RASSF5: variants seen among roughly 807,000 people sequenced by gnomAD.
RASSF5 encodes the protein Ras association domain family member 5, also known as ras association domain-containing protein 5.
RASSF5 carries 25 observed loss-of-function variants against 40.5 expected under a neutral mutation model. The ratio of observed to expected loss-of-function variants is 0.62; its 90% CI spans 0.45 to 0.86. The LOEUF (loss-of-function observed/expected upper bound fraction) is 0.86, where lower values mean the gene tolerates loss of function less well. RASSF5 is among the 40% of genes least tolerant of loss of function. The pLI is 0.00. For synonymous variants in RASSF5, 246 were observed against 252.4 expected (o/e 0.97, Z 0.24); for missense variants, 521 against 572.8 (o/e 0.91, Z 0.92).
At chr1:206,514,192 C>T (rs1435058146) in intron 1 of RASSF5, among the ~76,000 whole-genome samples, 2 of 152,214 alleles carry the variant, frequency 1.3e-5, no homozygotes, top group Non-Finnish European at 2.9e-5. Context: ...GGAGGAAGGG[C>T]AGTGGGGTCC....
intron 2 of RASSF5, among the ~76,000 whole-genome samples, chr1:206,575,672 CTATCT>C (rs145172220): frequency 1.3e-5 from 2 of 152,288 alleles, no homozygotes; most frequent in Non-Finnish European, 2.9e-5. Flanking sequence ...AAACACCACC[CTATCT>C]TATGTGTAAA....
At chr1:206,557,839 G>C in intron 2 of RASSF5, 1 of 837,400 alleles carries the variant, frequency 1.2e-6, no homozygotes, top group South Asian at 1.6e-5. Flanking sequence ...GCTGAGCATC[G>C]TATCTGGAGC....
At chr1:206,583,689 T>G in intron 3 of RASSF5, 2 of 337,634 alleles carry the variant, frequency 5.9e-6, no homozygotes, top group East Asian at 7.2e-5. Flanking sequence ...CCAGTATTGC[T>G]TGGCCTCCAG....
At chr1:206,508,720 C>T (rs1015974208) in intron 1 of RASSF5, among the ~76,000 whole-genome samples, 6 of 152,060 alleles carry the variant, frequency 3.9e-5, no homozygotes, top group Admixed American at 1.3e-4. Flanking sequence ...TGGCTGTGCC[C>T]TGCCTCCTCC....
intron 2 of RASSF5, among the ~76,000 whole-genome samples, chr1:206,568,089 C>T (rs1350838886): frequency 4.5e-4 from 69 of 152,282 alleles, no homozygotes; most frequent in South Asian, 2.1e-4. Flanking sequence ...AATGCAGCCT[C>T]ATGACAGCAG....
At chr1:206,540,201 G>A (rs1367083636) in intron 2 of RASSF5, among the ~76,000 whole-genome samples, 3 of 152,214 alleles carry the variant, frequency 2.0e-5, no homozygotes, top group Non-Finnish European at 2.9e-5. Context: ...TCAGTTGGGC[G>A]AAGACTGAGA....
chr1:206,514,052 C>T (rs892012067), intron 1 of RASSF5, among the ~76,000 whole-genome samples: 3 of 152,226 alleles, frequency 2.0e-5, no homozygotes, highest in African/African-American at 7.2e-5. Context: ...GCTGAAGTGG[C>T]CCACAAGGCC....
chr1:206,533,259 G>A (rs962001470), intron 1 of RASSF5, among the ~76,000 whole-genome samples: 1 of 152,178 alleles, frequency 6.6e-6, no homozygotes, highest in African/African-American at 2.4e-5. Flanking sequence ...AGGCCTGGTA[G>A]AAGTAGGCAG....
chr1:206,508,043 G>GGCGCT lies in RASSF5; in HGVS notation c.449_453dup (p.Thr152AlafsTer16), dbSNP rs782709538. 6 of 1,411,186 alleles carry GGCGCT rather than the reference G, an allele frequency of 4.3e-6. No homozygotes were observed. In the Middle Eastern group the frequency reaches 5.9e-4, roughly 139 times the overall value. 87.4% of individuals were successfully genotyped at this position (1,411,186 alleles called of 1,614,324 possible). A position where few individuals can be genotyped will look rare whatever the true frequency, so the allele number is the denominator to read the frequency against. On this transcript the variant is annotated frameshift_variant, in exon 1 of 6. Coordinates refer to ENST00000579436, the MANE Select transcript of RASSF5 (RefSeq NM_182663.4). LOFTEE classifies it high-confidence loss of function. Reference sequence around the variant, plus strand: ...TGTGCGGACGAGAGGTGCTGCGGCAGGCGCTGCGCTGCACTAGTAAGTGTG... The same window carrying GGCGCT: ...TGTGCGGACGAGAGGTGCTGCGGCAGGCGCTGCGCTGCGCTGCACTAGTAAGTGTG...
intron 2 of RASSF5, among the ~76,000 whole-genome samples, chr1:206,573,260 C>T (rs557824337): frequency 1.3e-5 from 2 of 152,204 alleles, no homozygotes; most frequent in African/African-American, 2.4e-5. Flanking sequence ...TTTACCTTCA[C>T]ATCAATCCCG....
intron 1 of RASSF5, among the ~76,000 whole-genome samples, chr1:206,532,319 A>G (rs1667264468): frequency 6.6e-6 from 1 of 152,012 alleles, no homozygotes; most frequent in African/African-American, 2.4e-5. Context: ...GACATCAGGA[A>G]CCCCATTTAA....
chr1:206,524,886 CAT>C (rs1213496559), intron 1 of RASSF5, among the ~76,000 whole-genome samples: 3 of 151,368 alleles, frequency 2.0e-5, no homozygotes, highest in East Asian at 3.9e-4. Flanking sequence ...CACACACACA[CAT>C]GCACAGGGCA....
chr1:206,583,573 A>G (rs1198893690), intron 3 of RASSF5, 194 bp downstream of exon 3: 13 of 568,454 alleles, frequency 2.3e-5, no homozygotes, highest in South Asian at 1.0e-4. Context: ...TTAGGGAAAT[A>G]GATCTGACTC....
At chr1:206,585,608 T>A in intron 5 of RASSF5, 1 of 224,582 alleles carries the variant, frequency 4.5e-6, no homozygotes, top group Non-Finnish European at 8.9e-6. Context: ...GCACAGGCTG[T>A]TTTTGCTTCA....
intron 1 of RASSF5, among the ~76,000 whole-genome samples, chr1:206,527,995 C>A (rs1553397452): frequency 6.6e-6 from 1 of 152,134 alleles, no homozygotes; most frequent in Non-Finnish European, 1.5e-5. Context: ...AGGAGTAGAT[C>A]CAATGAGTTA....
In RASSF5 at chr1:206,524,531, A is replaced by G. The variant is rs185034789; in HGVS notation, c.458-13641A>G. Among the ~76,000 whole-genome samples, 371 of 134,992 alleles carry G rather than the reference A, an allele frequency of 2.7e-3. 1 individual carries two copies. Among genetic ancestry groups the G allele is most frequent in the African/African-American group, 9.7e-3 (353 of 36,552 alleles). The allele number at this position is 134,992 out of a possible 152,430, so 88.6% of individuals were successfully genotyped here. The stretch of plus-strand genomic sequence containing the variant: ...CTCTGTCATCCAGGCTGGAGTGCAT[A>G]TATGTTTATATATAAAATACATATA... On this transcript the variant is annotated intron_variant, in intron 1 of 5. Coordinates refer to ENST00000579436, the MANE Select transcript of RASSF5 (RefSeq NM_182663.4).
At chr1:206,533,040 G>A (rs1489007562) in intron 1 of RASSF5, among the ~76,000 whole-genome samples, 3 of 152,184 alleles carry the variant, frequency 2.0e-5, no homozygotes. Flanking sequence ...TGGGGATTAA[G>A]GGGAGGTTTG....
At chr1:206,561,268 C>T (rs1011180148) in intron 2 of RASSF5, among the ~76,000 whole-genome samples, 5 of 152,220 alleles carry the variant, frequency 3.3e-5, no homozygotes, top group African/African-American at 7.2e-5. Flanking sequence ...AACACCCCTC[C>T]AGGACTCCTT....
intron 2 of RASSF5, among the ~76,000 whole-genome samples, chr1:206,558,373 C>A (rs1668048329): frequency 6.6e-6 from 1 of 151,594 alleles, no homozygotes; most frequent in South Asian, 2.1e-4. Flanking sequence ...TGGCCACTCT[C>A]CTAGTTGGCT....
Sources: gnomAD v4.1 joint callset for allele counts (sites outside exome capture counted in the v4.1 genomes callset) on GRCh38, gnomAD v4.1.1 for gene constraint, MANE v1.5 for transcripts, NCBI Gene and HGNC (gene_info 2026-07-23, HGNC 2026-07-21) for gene names.